SCML4: variants seen among roughly 807,000 people sequenced by gnomAD.
The protein encoded by SCML4 is Scm polycomb group protein like 4.
Under a neutral mutation model 41.1 loss-of-function variants are expected in SCML4, and 34 were observed. That is an observed-to-expected ratio of 0.83 (90% confidence interval 0.63 to 1.10). The LOEUF (loss-of-function observed/expected upper bound fraction) is 1.10. SCML4 is among the 50% of genes least tolerant of loss of function. SCML4 has a pLI of 0.00. For synonymous variants in SCML4, 214 were observed against 220.9 expected (o/e 0.97, Z 0.28); for missense variants, 522 against 534.1 (o/e 0.98, Z 0.22).
chr6:107,843,026 T>C, the SCML4 span, among the ~76,000 whole-genome samples: 1 of 152,072 alleles, frequency 6.6e-6, no homozygotes, highest in Non-Finnish European at 1.5e-5. Flanking sequence ...ATAATAAATA[T>C]ATATTTTTAT....
chr6:107,840,188 G>T, the SCML4 span, among the ~76,000 whole-genome samples: 1 of 150,856 alleles, frequency 6.6e-6, no homozygotes. Context: ...AAATGTTTGT[G>T]AAATGGTAAA....
At chr6:107,753,593 CAAT>C (rs1345264339) in intron 2 of SCML4, among the ~76,000 whole-genome samples, 1 of 151,970 alleles carries the variant, frequency 6.6e-6, no homozygotes, top group Non-Finnish European at 1.5e-5. Context: ...ATGGCAAACT[CAAT>C]AACGGTAAAT....
chr6:107,810,030 G>A (rs1174296463), intron 1 of SCML4, among the ~76,000 whole-genome samples: 4 of 152,170 alleles, frequency 2.6e-5, no homozygotes, highest in African/African-American at 7.2e-5. Context: ...TCAGGGGAGA[G>A]GGCAGTTAGC....
At chr6:107,836,886 C>A in the SCML4 span, among the ~76,000 whole-genome samples, 2 of 152,088 alleles carry the variant, frequency 1.3e-5, no homozygotes, top group African/African-American at 4.8e-5. Flanking sequence ...GATATAAATG[C>A]CACAGTCATC....
chr6:107,836,239 A>G, the SCML4 span, among the ~76,000 whole-genome samples: 4 of 152,270 alleles, frequency 2.6e-5, no homozygotes, highest in South Asian at 8.3e-4. Context: ...AAAGAGTTCT[A>G]TTGAGTTCTC....
chr6:107,728,470 G>A (rs750060270), intron 5 of SCML4, among the ~76,000 whole-genome samples: 3 of 152,136 alleles, frequency 2.0e-5, no homozygotes, highest in Non-Finnish European at 2.9e-5. Flanking sequence ...TTAGCCAAGC[G>A]TGGAGGCAGT....
chr6:107,707,817 G>T, intron 7 of SCML4, 49 bp downstream of exon 7: 1 of 1,550,536 alleles, frequency 6.4e-7, no homozygotes, highest in Non-Finnish European at 8.7e-7. Flanking sequence ...CTCTCCTTCT[G>T]TGCCTGCTCC....
chr6:107,734,169 C>G (rs9398139), intron 5 of SCML4, among the ~76,000 whole-genome samples: 20,013 of 152,158 alleles, frequency 0.13, 1,614 homozygotes, highest in Middle Eastern at 0.19. Flanking sequence ...TCCACACCCC[C>G]AAACAGTAGA....
intron 1 of SCML4, among the ~76,000 whole-genome samples, chr6:107,817,468 T>G (rs1784624001): frequency 6.6e-6 from 1 of 151,628 alleles, no homozygotes; most frequent in Non-Finnish European, 1.5e-5. Context: ...AATACAAAAA[T>G]TATCTAGGTG....
At chr6:107,804,859 G>C (rs1783603353) in intron 1 of SCML4, among the ~76,000 whole-genome samples, 1 of 152,166 alleles carries the variant, frequency 6.6e-6, no homozygotes, top group Non-Finnish European at 1.5e-5. Context: ...GGTCCCAGCT[G>C]CTTGGGAGGC....
chr6:107,739,737 T>A (rs576321166), intron 5 of SCML4, among the ~76,000 whole-genome samples: 2 of 152,342 alleles, frequency 1.3e-5, no homozygotes, highest in Non-Finnish European at 2.9e-5. Flanking sequence ...TAATTCATCC[T>A]CTAACATACT....
chr6:107,724,766 A>G (rs911966306), intron 5 of SCML4, among the ~76,000 whole-genome samples: 5 of 152,242 alleles, frequency 3.3e-5, no homozygotes, highest in African/African-American at 1.2e-4. Flanking sequence ...TGTAGAAAAT[A>G]ACGAGCTAAT....
chr6:107,801,620 C>T (rs1463042965), intron 1 of SCML4, among the ~76,000 whole-genome samples: 1 of 152,184 alleles, frequency 6.6e-6, no homozygotes, highest in African/African-American at 2.4e-5. Context: ...CTTCTACATC[C>T]TAACTGGAAG....
At chr6:107,803,024 A>G (rs1230132798) in intron 1 of SCML4, among the ~76,000 whole-genome samples, 10 of 151,628 alleles carry the variant, frequency 6.6e-5, no homozygotes, top group African/African-American at 2.4e-4. Flanking sequence ...GGGATGGCAG[A>G]CGGAGTCGCG....
chr6:107,720,274 C>A, intron 6 of SCML4: 1 of 730,912 alleles, frequency 1.4e-6, no homozygotes, highest in East Asian at 1.3e-4. Context: ...CAGGGAAGCA[C>A]CTGTGTCTTC....
chr6:107,717,762 G>A (rs1002465286), intron 6 of SCML4, among the ~76,000 whole-genome samples: 1 of 152,188 alleles, frequency 6.6e-6, no homozygotes, highest in Non-Finnish European at 1.5e-5. Flanking sequence ...TGGTCAGGCT[G>A]GTCTCAAACT....
At chr6:107,780,185 T>A (rs2114592098) in intron 1 of SCML4, among the ~76,000 whole-genome samples, 1 of 152,242 alleles carries the variant, frequency 6.6e-6, no homozygotes, top group Admixed American at 6.5e-5. Context: ...AATCTTTGGA[T>A]AGAAATACAT....
chr6:107,758,696 T>C (rs9373976), intron 2 of SCML4, among the ~76,000 whole-genome samples: 22,486 of 151,972 alleles, frequency 0.15, 1,968 homozygotes, highest in Middle Eastern at 0.22. Context: ...AATGTGTTGA[T>C]AGCCAAGAAA....
intron 1 of SCML4, among the ~76,000 whole-genome samples, chr6:107,823,015 A>AC (rs1199956229): frequency 2.6e-3 from 1 of 390 alleles, no homozygotes; most frequent in African/African-American, 3.0e-3. Context: ...ATTTTGCTTT[A>AC]AAAAAAAAAA....
Sources: gnomAD v4.1 joint callset for allele counts (sites outside exome capture counted in the v4.1 genomes callset) on GRCh38, gnomAD v4.1.1 for gene constraint, MANE v1.5 for transcripts, NCBI Gene and HGNC (gene_info 2026-07-23, HGNC 2026-07-21) for gene names.